The following KCNA6 variants were observed in gnomAD, a reference collection of about 807,000 sequenced individuals.
The protein encoded by KCNA6 is human brain potassium channel-2.
A neutral mutation model predicts 29.5 loss-of-function variants in KCNA6; 17 were observed. That is an observed-to-expected ratio of 0.58 (90% CI 0.39 to 0.86). The LOEUF (loss-of-function observed/expected upper bound fraction) is 0.86, where lower values mean the gene tolerates loss of function less well. Among genes scored for constraint, KCNA6 ranks in the 40% least tolerant of loss-of-function variants. KCNA6 has a pLI of 0.00. For synonymous variants in KCNA6, 296 were observed against 304.7 expected, an observed-to-expected ratio of 0.97 and a Z score of 0.30; for missense variants, 450 against 703.4, an observed-to-expected ratio of 0.64 and a Z score of 4.07.
chr12:4,842,012 C>CGTGTGTGTGTGTGTGT, the KCNA6 span, among the ~76,000 whole-genome samples: 11 of 124,980 alleles, frequency 8.8e-5, no homozygotes, highest in African/African-American at 3.2e-4. Context: ...ATGGAGCTTA[C>CGTGTGTGTGTGTGTGT]GTGTGTGTGT....
chr12:4,827,132 T>TCCTC, the KCNA6 span, among the ~76,000 whole-genome samples: 4 of 130,222 alleles, frequency 3.1e-5, no homozygotes, highest in South Asian at 1.1e-3. Context: ...TTCCTTCTTT[T>TCCTC]CCTCCCTCCC....
the KCNA6 span, among the ~76,000 whole-genome samples, chr12:4,843,716 G>A: frequency 6.6e-6 from 1 of 152,118 alleles, no homozygotes; most frequent in Admixed American, 6.6e-5. Flanking sequence ...GTGGGAGCAG[G>A]CAGTTCACGT....
chr12:4,849,504 T>G, the KCNA6 span, among the ~76,000 whole-genome samples: 10 of 148,798 alleles, frequency 6.7e-5, no homozygotes, highest in Admixed American at 6.0e-4. Flanking sequence ...TTTTTTTTTT[T>G]TTTTTTTTTT....
the KCNA6 span, among the ~76,000 whole-genome samples, chr12:4,847,422 G>T: frequency 3.4e-4 from 51 of 152,082 alleles, no homozygotes; most frequent in Middle Eastern, 6.8e-3. Context: ...CCCCTGGGCT[G>T]GTTCTCAAAT....
chr12:4,826,009 A>G, the KCNA6 span, among the ~76,000 whole-genome samples: 1 of 152,224 alleles, frequency 6.6e-6, no homozygotes, highest in Non-Finnish European at 1.5e-5. Flanking sequence ...ATGAAATCTT[A>G]CTCACAATCT....
At chr12:4,828,927 TAA>T in the KCNA6 span, among the ~76,000 whole-genome samples, 1 of 152,208 alleles carries the variant, frequency 6.6e-6, no homozygotes, top group Admixed American at 6.5e-5. Flanking sequence ...AGTTGCCTGA[TAA>T]GAGTTCACCG....
the KCNA6 span, among the ~76,000 whole-genome samples, chr12:4,833,287 A>T: frequency 2.0e-5 from 3 of 152,190 alleles, no homozygotes; most frequent in African/African-American, 7.2e-5. Flanking sequence ...GTGCTTCCTC[A>T]TGCATCTGTG....
the KCNA6 span, among the ~76,000 whole-genome samples, chr12:4,834,778 G>C: frequency 6.6e-6 from 1 of 152,138 alleles, no homozygotes; most frequent in Non-Finnish European, 1.5e-5. Context: ...TACTCTCATC[G>C]ACCTTGGAGC....
the KCNA6 span, among the ~76,000 whole-genome samples, chr12:4,832,518 A>T: frequency 6.6e-6 from 1 of 152,168 alleles, no homozygotes; most frequent in Non-Finnish European, 1.5e-5. Flanking sequence ...TGCAGAGGAC[A>T]TTGGCTTGTA....
the KCNA6 span, among the ~76,000 whole-genome samples, chr12:4,834,760 G>A: frequency 6.6e-6 from 1 of 152,140 alleles, no homozygotes; most frequent in African/African-American, 2.4e-5. Flanking sequence ...GGCCAAAGTG[G>A]GGTCTCCTAC....
At position 4,810,117 on chromosome 12, in the gene KCNA6, G is replaced by C. The variant is rs1202651038; in HGVS notation, c.76G>C (p.Gly26Arg). ...GCCGGAGGGAGAGCAACAGGATGCG[G>C]GAGACTTCCCGGAGGCCGGCGGGGG... Residue 26 changes from glycine (G) to arginine (R), a missense_variant, in exon 1 of 1, where the codon GGA (glycine) becomes CGA (arginine). Gly to Arg is a moderately radical substitution (Grantham distance 125). Transcript: ENST00000280684. This position sits in a 1 kb window ranked among gnomAD's most constrained non-coding sequence, Gnocchi z 7.5. 3 of 1,589,284 alleles carry C rather than the reference G, an allele frequency of 1.9e-6. No homozygotes were observed. Among genetic ancestry groups the C allele is most frequent in the East Asian group, 4.5e-5 (2 of 44,752 alleles).
downstream of KCNA6, chr12:4,813,914 T>C (rs904556490): frequency 3.0e-5 from 5 of 167,158 alleles, no homozygotes; most frequent in African/African-American, 1.2e-4. Flanking sequence ...CTGAAAGGGT[T>C]TGTGGAGAGC....
chr12:4,826,538 A>G, the KCNA6 span, among the ~76,000 whole-genome samples: 1 of 152,212 alleles, frequency 6.6e-6, no homozygotes, highest in Admixed American at 6.5e-5. Context: ...ATTGCATCCA[A>G]TTCTGGGTCT....
chr12:4,831,709 C>G, the KCNA6 span, among the ~76,000 whole-genome samples: 91 of 152,310 alleles, frequency 6.0e-4, no homozygotes, highest in African/African-American at 2.1e-3. Flanking sequence ...TCACTTACTC[C>G]CTTGGCTAAG....
At chr12:4,840,101 G>T in the KCNA6 span, among the ~76,000 whole-genome samples, 1 of 152,028 alleles carries the variant, frequency 6.6e-6, no homozygotes, top group Non-Finnish European at 1.5e-5. Flanking sequence ...TATATGAAAG[G>T]GTTTATGTCA....
At chr12:4,838,520 A>C in the KCNA6 span, among the ~76,000 whole-genome samples, 2 of 152,196 alleles carry the variant, frequency 1.3e-5, no homozygotes, top group Admixed American at 1.3e-4. Context: ...GAAATGGGAT[A>C]TGATGGTCCA....
At chr12:4,831,042 G>A in the KCNA6 span, among the ~76,000 whole-genome samples, 1 of 152,226 alleles carries the variant, frequency 6.6e-6, no homozygotes, top group Non-Finnish European at 1.5e-5. Flanking sequence ...TGATCTTTCA[G>A]CGCTGACTTT....
chr12:4,811,908 T>A lies in KCNA6; in HGVS notation c.*277T>A, dbSNP rs2137574884. ...CATATGAATGAGATATACATTTATGTCTGACCTTCCCTCAAGACTGATTTT... is the reference window on the plus strand; with the variant it reads ...CATATGAATGAGATATACATTTATGACTGACCTTCCCTCAAGACTGATTTT... On this transcript the variant is annotated 3_prime_UTR_variant, in exon 1 of 1. Coordinates refer to ENST00000280684, the Ensembl canonical transcript of KCNA6. The surrounding 1 kb of genome is among the most constrained non-coding windows in gnomAD (Gnocchi z 7.1). The A allele has an allele frequency of 4.6e-6, 2 of 433,800 alleles. No homozygotes were observed. Among genetic ancestry groups the A allele is most frequent in the Non-Finnish European group, 8.5e-6 (2 of 233,992 alleles). The allele number at this position is 433,800 out of a possible 1,614,324, so 26.9% of individuals were successfully genotyped here.
At chr12:4,845,861 C>T in the KCNA6 span, among the ~76,000 whole-genome samples, 1 of 152,130 alleles carries the variant, frequency 6.6e-6, no homozygotes, top group Admixed American at 6.5e-5. Flanking sequence ...TATCTTGCAT[C>T]CTTCAGAAAC....
Sources: allele counts gnomAD v4.1 joint callset (sites outside exome capture counted in the v4.1 genomes callset), GRCh38; gene constraint gnomAD v4.1.1; non-coding constraint Gnocchi (gnomAD v3.1); transcripts MANE v1.5; gene names NCBI Gene and HGNC (gene_info 2026-07-23, HGNC 2026-07-21).